Variants in FARS2 observed in about 807,000 individuals in gnomAD.
FARS2 encodes phenylalanyl-tRNA synthetase 2, mitochondrial.
In FARS2, 40 loss-of-function variants were observed where a neutral mutation model predicts 46.4. That is an observed-to-expected ratio of 0.86 (90% CI 0.67 to 1.12). FARS2 has a LOEUF of 1.12. FARS2 is among the 50% of genes most tolerant of loss of function. The pLI is 0.00. For synonymous variants in FARS2, 234 were observed against 214.9 expected (o/e 1.09, Z -0.78); for missense variants, 513 against 567.9 (o/e 0.90, Z 0.98).
intron 1 of FARS2, among the ~76,000 whole-genome samples, chr6:5,368,067 A>G (rs953351040): frequency 1.3e-5 from 2 of 152,218 alleles, no homozygotes; most frequent in African/African-American, 4.8e-5. Context: ...AGAAATGTGA[A>G]GGATGGCTCT....
At chr6:5,456,239 A>G (rs1409177529) in intron 4 of FARS2, among the ~76,000 whole-genome samples, 1 of 152,080 alleles carries the variant, frequency 6.6e-6, no homozygotes, top group African/African-American at 2.4e-5. Flanking sequence ...GCAAAAAATA[A>G]ACAAATATTT....
At chr6:5,767,246 G>A in intron 6 of FARS2, among the ~76,000 whole-genome samples, 1 of 151,974 alleles carries the variant, frequency 6.6e-6, no homozygotes, top group Non-Finnish European at 1.5e-5. Flanking sequence ...AGTAGAGACG[G>A]GGTTTCACCA....
rs59797062 is a variant in FARS2, at chr6:5,633,262, C to CTTTTT, written c.1217+19969_1217+19973dup. Among the ~76,000 whole-genome samples, 94 of 50,096 alleles carry CTTTTT rather than the reference C, an allele frequency of 1.9e-3. 8 individuals are homozygous for CTTTTT. The highest frequency in any genetic ancestry group is 2.9e-3 in the African/African-American group (40 of 13,816). 32.9% of individuals were successfully genotyped at this position (50,096 alleles called of 152,430 possible). A position where few individuals can be genotyped will look rare whatever the true frequency, so the allele number is the denominator to read the frequency against. On this transcript the variant is annotated intron_variant, in intron 6 of 6. Transcript: ENST00000274680. ...TACAGGTACATGCCACCATCCCTGGCTTTTTTTTTTTTTTTTTTTTTTTTT... is the reference window on the plus strand; with the variant it reads ...TACAGGTACATGCCACCATCCCTGGCTTTTTTTTTTTTTTTTTTTTTTTTTTTTTT...
In FARS2 at chr6:5,322,867, T is replaced by C. The variant is rs1199614978; in HGVS notation, c.-21-45683T>C. ...GAAATGCTTCCCGTGATTATTAGAG[T>C]TTGATAAGTGAGTATTCCTGGACAT... On this transcript the variant is annotated intron_variant, in intron 1 of 6. Transcript: ENST00000274680. 3.9e-5 allele frequency among the ~76,000 whole-genome samples: 6 copies of C among 152,194 alleles called. No individual in the cohort carries two copies. In the East Asian group the frequency reaches 1.2e-3, roughly 29 times the overall value.
At chr6:5,491,941 T>C (rs1360934654) in intron 4 of FARS2, among the ~76,000 whole-genome samples, 1 of 152,174 alleles carries the variant, frequency 6.6e-6, no homozygotes, top group South Asian at 2.1e-4. Flanking sequence ...GTACATTCTT[T>C]TTGAGGTTAG....
At chr6:5,537,432 C>G in intron 4 of FARS2, among the ~76,000 whole-genome samples, 1 of 151,344 alleles carries the variant, frequency 6.6e-6, no homozygotes, top group Non-Finnish European at 1.5e-5. Context: ...CAGGCCTCCT[C>G]TCGAGTTGGA....
At chr6:5,717,923 T>TAGAGAGAG (rs1240643852) in intron 6 of FARS2, among the ~76,000 whole-genome samples, 2 of 31,222 alleles carry the variant, frequency 6.4e-5, no homozygotes, top group African/African-American at 5.2e-4. Flanking sequence ...TATATATATA[T>TAGAGAGAG]ATATATATAT....
intron 4 of FARS2, among the ~76,000 whole-genome samples, chr6:5,494,063 C>A (rs756171180): frequency 6.6e-6 from 1 of 151,394 alleles, no homozygotes; most frequent in Non-Finnish European, 1.5e-5. Flanking sequence ...CTATTGGGGC[C>A]TTTCAATACT....
intron 6 of FARS2, among the ~76,000 whole-genome samples, chr6:5,643,847 A>G (rs987809570): frequency 6.6e-6 from 1 of 152,168 alleles, no homozygotes; most frequent in Non-Finnish European, 1.5e-5. Context: ...CTAGAAGAAA[A>G]ACTCGAGGAG....
intron 4 of FARS2, among the ~76,000 whole-genome samples, chr6:5,454,369 T>G (rs996517988): frequency 6.6e-6 from 1 of 151,880 alleles, no homozygotes; most frequent in Non-Finnish European, 1.5e-5. Flanking sequence ...AGAGATGGAG[T>G]CTCACTCTGT....
chr6:5,673,444 C>A (rs1342559456), intron 6 of FARS2, among the ~76,000 whole-genome samples: 1 of 152,146 alleles, frequency 6.6e-6, no homozygotes, highest in Non-Finnish European at 1.5e-5. Flanking sequence ...CATCCTGGTG[C>A]AAGTATCTGA....
At chr6:5,540,117 C>T (rs1770529486) in intron 4 of FARS2, among the ~76,000 whole-genome samples, 1 of 152,212 alleles carries the variant, frequency 6.6e-6, no homozygotes, top group Non-Finnish European at 1.5e-5. Flanking sequence ...TGGGTCCGGC[C>T]TCTTCAGGAC....
rs1368789274 is a variant in FARS2 at position 5,404,705 on chromosome 6, A to G, written c.772+4A>G. On this transcript the variant is annotated splice_donor_region_variant and intron_variant, in intron 3 of 6. Transcript: ENST00000274680. ...ATGGCACATCTTTTTGGAGATGGTA[A>G]GTGCTCAAACACAGGTTGACGATCT... is the stretch of plus-strand genomic sequence containing the variant. 1 of 1,583,732 alleles carries G rather than the reference A, an allele frequency of 6.3e-7. No individual in the cohort carries two copies. The highest frequency in any genetic ancestry group is 1.3e-5 in the African/African-American group (1 of 74,104).
chr6:5,743,285 C>T (rs1400502073), intron 6 of FARS2, among the ~76,000 whole-genome samples: 1 of 152,152 alleles, frequency 6.6e-6, no homozygotes, highest in East Asian at 1.9e-4. Context: ...CAAATGACCA[C>T]ATTGGAAATG....
chr6:5,444,518 A>G (rs1764063965), intron 4 of FARS2, among the ~76,000 whole-genome samples: 1 of 144,564 alleles, frequency 6.9e-6, no homozygotes, highest in Admixed American at 6.9e-5. Flanking sequence ...GAGAGAGGAA[A>G]AAATCTTAGT....
chr6:5,281,062 T>C (rs1766689697), intron 1 of FARS2, among the ~76,000 whole-genome samples: 1 of 152,228 alleles, frequency 6.6e-6, no homozygotes, highest in African/African-American at 2.4e-5. Context: ...TACTTTGTAC[T>C]CGAGTCTTCC....
At chr6:5,390,391 T>TA (rs759409292) in intron 2 of FARS2, among the ~76,000 whole-genome samples, 19 of 152,230 alleles carry the variant, frequency 1.2e-4, no homozygotes, top group Non-Finnish European at 2.5e-4. Flanking sequence ...AAAATATCCT[T>TA]ACTCAGCACC....
intron 6 of FARS2, among the ~76,000 whole-genome samples, chr6:5,769,058 G>A (rs1029839409): frequency 5.9e-5 from 9 of 152,026 alleles, no homozygotes; most frequent in African/African-American, 2.2e-4. Flanking sequence ...TGCCTATGCG[G>A]TCATGAATAT....
At chr6:5,647,111 C>T (rs546601787) in intron 6 of FARS2, among the ~76,000 whole-genome samples, 249 of 152,264 alleles carry the variant, frequency 1.6e-3, no homozygotes, top group Middle Eastern at 3.4e-3. Context: ...TCCTCACCAA[C>T]GGTAAAGGTA....
Sources: allele counts gnomAD v4.1 joint callset (sites outside exome capture counted in the v4.1 genomes callset), GRCh38; gene constraint gnomAD v4.1.1; transcripts MANE v1.5; gene names NCBI Gene and HGNC (gene_info 2026-07-23, HGNC 2026-07-21).